Variants in ARHGEF17 observed in about 807,000 individuals in gnomAD.
ARHGEF17 encodes 164 kDa Rho-specific guanine-nucleotide exchange factor.
A neutral mutation model predicts 174.0 loss-of-function variants in ARHGEF17; 80 were observed. The ratio of observed to expected loss-of-function variants is 0.46; its 90% confidence interval spans 0.38 to 0.55. The LOEUF (loss-of-function observed/expected upper bound fraction) is 0.55. Among genes scored for constraint, ARHGEF17 ranks in the 20% least tolerant of loss-of-function variants. The probability of loss-of-function intolerance (pLI) is 0.00; values close to 1 mark genes in which losing one functional copy is unlikely to be tolerated. For synonymous variants in ARHGEF17, 1,311 were observed against 1,189.1 expected (o/e 1.10, Z -2.11); for missense variants, 2,886 against 2,839.7 (o/e 1.02, Z -0.37).
intron 15 of ARHGEF17, 40 bp downstream of exon 15, chr11:73,363,495 T>G: frequency 3.8e-6 from 6 of 1,583,732 alleles, no homozygotes; most frequent in Non-Finnish European, 5.2e-6. Flanking sequence ...GTGCCAGAAC[T>G]CTGAGCTCCC....
intron 1 of ARHGEF17, among the ~76,000 whole-genome samples, chr11:73,346,213 G>A (rs750207642): frequency 6.6e-6 from 1 of 152,172 alleles, no homozygotes; most frequent in African/African-American, 2.4e-5. Flanking sequence ...TCACAGGGTG[G>A]CCAGGATTAT....
At chr11:73,360,286 C>T in intron 10 of ARHGEF17, 34 bp from the exon 11 acceptor site, 1 of 1,609,228 alleles carries the variant, frequency 6.2e-7, no homozygotes, top group Non-Finnish European at 8.5e-7. Context: ...TGGTGAGATG[C>T]TGGGGCCTGA....
At chr11:73,350,868 T>C (rs1470611245) in intron 2 of ARHGEF17, among the ~76,000 whole-genome samples, 1 of 152,270 alleles carries the variant, frequency 6.6e-6, no homozygotes, top group Non-Finnish European at 1.5e-5. Flanking sequence ...ATCGTGCTTC[T>C]TTCCTGCCTC....
Position 73,311,793 on chromosome 11 carries a change from C to A in ARHGEF17, c.3155C>A (p.Pro1052His). 1 of 1,607,948 alleles carries A rather than the reference C, an allele frequency of 6.2e-7. No individual in the cohort carries two copies. The highest frequency in any genetic ancestry group is 8.5e-7 in the Non-Finnish European group (1 of 1,175,998). The change falls in exon 1 of 21, where the codon CCT becomes CAT. Residue 1052 changes from proline to histidine, a missense_variant. Physicochemically the swap from Pro to His is moderately conservative, Grantham distance 77. Around this residue, in one of 4 missense-constraint regions of ARHGEF17, gnomAD observed 1,728 missense variants for 1,461.2 expected, o/e 1.18. Coordinates refer to ENST00000263674, the MANE Select transcript of ARHGEF17 (RefSeq NM_014786.4). Reference protein sequence around the residue: ...PPEAARPADEPTPASKCCSKP... With the variant: ...PPEAARPADEHTPASKCCSKP... Reference sequence around the variant, plus strand: ...GAGGCAGCTCGGCCTGCAGATGAGCCTACCCCTGCCAGCAAGTGCTGCAGC... The same window carrying A: ...GAGGCAGCTCGGCCTGCAGATGAGCATACCCCTGCCAGCAAGTGCTGCAGC...
intron 18 of ARHGEF17, 35 bp downstream of exon 18, chr11:73,364,635 G>A: frequency 1.3e-6 from 2 of 1,589,774 alleles, no homozygotes; most frequent in Non-Finnish European, 1.7e-6. Flanking sequence ...TTGGTGCCAT[G>A]GGATGAGCTA....
intron 1 of ARHGEF17, among the ~76,000 whole-genome samples, chr11:73,335,444 C>G (rs1865270941): frequency 6.6e-6 from 1 of 152,160 alleles, no homozygotes; most frequent in Non-Finnish European, 1.5e-5. Flanking sequence ...CTCCTGCTTC[C>G]CGCTATTATC....
At chr11:73,342,889 A>G (rs1865394414) in intron 1 of ARHGEF17, 1 of 156,976 alleles carries the variant, frequency 6.4e-6, no homozygotes. Context: ...CCTCCTCCCC[A>G]CAACGGGGCC....
At chr11:73,361,851 CCAA>C (rs1865743148) in intron 12 of ARHGEF17, among the ~76,000 whole-genome samples, 186 bp from the exon 13 acceptor site, 1 of 142,472 alleles carries the variant, frequency 7.0e-6, no homozygotes, top group Non-Finnish European at 1.6e-5. Context: ...AAGAACCAAT[CCAA>C]AAAAAAAAAA....
intron 1 of ARHGEF17, among the ~76,000 whole-genome samples, chr11:73,321,018 A>G (rs991736951): frequency 1.3e-5 from 2 of 152,236 alleles, no homozygotes; most frequent in Non-Finnish European, 2.9e-5. Flanking sequence ...GTAAGTGCTC[A>G]AGAAATGTTA....
chr11:73,329,048 T>C (rs1440249753), intron 1 of ARHGEF17, among the ~76,000 whole-genome samples: 1 of 151,804 alleles, frequency 6.6e-6, no homozygotes, highest in Non-Finnish European at 1.5e-5. Context: ...TAAATTTATA[T>C]ATTTAATATT....
Position 73,355,948 on chromosome 11 carries a change from G to A in ARHGEF17, c.3658G>A (p.Val1220Met), listed in dbSNP as rs1376877145. The part of the protein sequence containing the change: ...VQRIPRYELL[V>M]KDLLKHTPED... ...GCGGATCCCACGCTACGAGCTTCTG[G>A]TGAAGGTGGGCATGGACCTGGGTGG... is the stretch of plus-strand genomic sequence containing the variant. Residue 1220 changes from valine to methionine, a missense_variant, in exon 5 of 21, where the codon GTG becomes ATG. By Grantham distance (21) the Val-to-Met change is conservative (BLOSUM62 1). Transcript: ENST00000263674. 2 of 1,614,182 alleles carry A rather than the reference G, an allele frequency of 1.2e-6. No individual in the cohort carries two copies. The highest frequency in any genetic ancestry group is 2.2e-5 in the East Asian group (1 of 44,886).
chr11:73,327,414 G>A (rs1324638935), intron 1 of ARHGEF17, among the ~76,000 whole-genome samples: 2 of 152,218 alleles, frequency 1.3e-5, no homozygotes, highest in Non-Finnish European at 2.9e-5. Flanking sequence ...AGAGTTTGTA[G>A]TGTGTAAAAG....
chr11:73,354,059 T>G (rs1269916517), intron 3 of ARHGEF17, among the ~76,000 whole-genome samples: 4 of 152,260 alleles, frequency 2.6e-5, no homozygotes, highest in Non-Finnish European at 4.4e-5. Context: ...TGAAAAATTA[T>G]ATCTATTTCT....
At chr11:73,320,260 G>A (rs1292186423) in intron 1 of ARHGEF17, among the ~76,000 whole-genome samples, 1 of 152,082 alleles carries the variant, frequency 6.6e-6, no homozygotes, top group African/African-American at 2.4e-5. Flanking sequence ...TTCAGACCCA[G>A]GCAAGCACTT....
At chr11:73,325,960 C>T (rs558154090) in intron 1 of ARHGEF17, among the ~76,000 whole-genome samples, 7 of 152,374 alleles carry the variant, frequency 4.6e-5, no homozygotes, top group African/African-American at 1.7e-4. Flanking sequence ...GCCCTGACTG[C>T]ACAGATGCTT....
chr11:73,340,853 C>G (rs748010760), intron 1 of ARHGEF17, among the ~76,000 whole-genome samples: 6 of 152,216 alleles, frequency 3.9e-5, no homozygotes, highest in Non-Finnish European at 8.8e-5. Context: ...TCTGGCTGTT[C>G]CAGACCCCCT....
rs759387116 is a variant in ARHGEF17, at chr11:73,310,359, C to G, written c.1721C>G (p.Thr574Arg). ...LKSSSSELLL[T>R]GPGAEEDPLP... ...TCCAGCTCCTCCGAGCTCCTGCTCA[C>G]AGGCCCTGGTGCCGAGGAGGATCCG... Residue 574 changes from threonine (T) to arginine (R), a missense_variant, in exon 1 of 21, where the codon ACA becomes AGA. By Grantham distance (71) the Thr-to-Arg change is moderately conservative. Coordinates refer to ENST00000263674, the MANE Select transcript of ARHGEF17 (RefSeq NM_014786.4). The G allele has an allele frequency of 1.9e-6, 3 of 1,613,876 alleles. No homozygotes were observed. Among genetic ancestry groups the G allele is most frequent in the Non-Finnish European group, 2.5e-6 (3 of 1,180,000 alleles).
chr11:73,308,617 C>T lies in ARHGEF17; in HGVS notation c.-22C>T. The T allele has an allele frequency of 1.4e-6, 2 of 1,444,512 alleles. No individual in the cohort carries two copies. The highest frequency in any genetic ancestry group is 3.0e-5 in the East Asian group (1 of 33,622). The allele number at this position is 1,444,512 out of a possible 1,614,324, so 89.5% of individuals were successfully genotyped here. A position where few individuals can be genotyped will look rare whatever the true frequency, so the allele number is the denominator to read the frequency against. On this transcript the variant is annotated 5_prime_UTR_variant, in exon 1 of 21. Coordinates refer to ENST00000263674, the MANE Select transcript of ARHGEF17 (RefSeq NM_014786.4). ...GGCCGCGGCTGCCCGAGGCCAGCCC[C>T]CCCGGAGTGAGTTACGCCACTATGG...
chr11:73,335,261 A>G (rs998798942), intron 1 of ARHGEF17, among the ~76,000 whole-genome samples: 1 of 152,104 alleles, frequency 6.6e-6, no homozygotes, highest in African/African-American at 2.4e-5. Flanking sequence ...CCCTGCTCAG[A>G]CTCAGATGTG....
Sources: gnomAD v4.1 joint callset for allele counts (sites outside exome capture counted in the v4.1 genomes callset) on GRCh38, gnomAD v4.1.1 for gene constraint, gnomAD v4.1.1 regional missense constraint, MANE v1.5 for transcripts, NCBI Gene and HGNC (gene_info 2026-07-23, HGNC 2026-07-21) for gene names.